Variants in KLHL1 observed in about 807,000 individuals in gnomAD.
The protein encoded by KLHL1 is kelch-like protein 1.
Under a neutral mutation model 77.7 loss-of-function variants are expected in KLHL1, and 47 were observed. The observed-to-expected ratio is 0.60, with a 90% CI of 0.48 to 0.77. KLHL1 has a LOEUF of 0.77. Ranked by LOEUF, KLHL1 falls within the 30% of genes least tolerant of loss-of-function variation. The pLI is 0.00. For missense variants in KLHL1, 925 were observed against 910.8 expected (o/e 1.02, Z -0.20); for synonymous variants, 360 against 325.2 (o/e 1.11, Z -1.15).
At chr13:69,929,504 A>G (rs899720204) in intron 4 of KLHL1, among the ~76,000 whole-genome samples, 17 of 151,920 alleles carry the variant, frequency 1.1e-4, no homozygotes, top group African/African-American at 4.1e-4. Flanking sequence ...TTAATAAGTT[A>G]TCTAGTTTAG....
At chr13:69,947,031 TGTGTGTGTG>T (rs1883552065) in intron 3 of KLHL1, among the ~76,000 whole-genome samples, 6 of 654 alleles carry the variant, frequency 9.2e-3, no homozygotes, top group Admixed American at 0.022. Flanking sequence ...GTGTGTGTTG[TGTGTGTGTG>T]TGTGTGTGTG....
intron 5 of KLHL1, among the ~76,000 whole-genome samples, chr13:69,842,038 C>T (rs922966092): frequency 6.6e-6 from 1 of 151,392 alleles, no homozygotes; most frequent in Admixed American, 6.6e-5. Context: ...AAAAATCAAC[C>T]CAAAATGAAT....
In KLHL1 at chr13:69,955,765, T is replaced by C. The variant is rs955473966; in HGVS notation, c.817+5543A>G. Among the ~76,000 whole-genome samples the C allele has an allele frequency of 2.0e-5, 3 of 149,852 alleles. No individual in the cohort carries two copies. The Admixed American group carries it at 2.0e-4, about 10-fold the overall frequency. ...CCTTTCAAAATGTGAGCATCCATTT[T>C]TGGCTGTGATTGAAATCCTAATGTG... On this transcript the variant is annotated intron_variant, in intron 3 of 10. Transcript: ENST00000377844.
chr13:69,981,614 G>T (rs1409081793), intron 1 of KLHL1, among the ~76,000 whole-genome samples: 1 of 151,940 alleles, frequency 6.6e-6, no homozygotes, highest in Non-Finnish European at 1.5e-5. Context: ...GATTATATTT[G>T]CATTAGAGTT....
intron 1 of KLHL1, among the ~76,000 whole-genome samples, chr13:70,001,897 G>A (rs1885301617): frequency 6.6e-6 from 1 of 151,558 alleles, no homozygotes; most frequent in African/African-American, 2.4e-5. Context: ...CTAATTTACA[G>A]CTAAAGTTAG....
intron 1 of KLHL1, among the ~76,000 whole-genome samples, chr13:70,075,842 C>G (rs1593723776): frequency 6.7e-6 from 1 of 148,900 alleles, no homozygotes; most frequent in South Asian, 2.1e-4. Context: ...CTTTCCTATA[C>G]ACCAGCAGTG....
rs1228650787 is a variant in KLHL1, at chr13:69,894,931, G to A, written c.1015-12436C>T. The A allele has an allele frequency of 1.3e-5, 6 of 448,294 alleles. No homozygotes were observed. In the East Asian group the frequency reaches 3.3e-4, roughly 25 times the overall value. 27.8% of individuals were successfully genotyped at this position (448,294 alleles called of 1,614,324 possible). On this transcript the variant is annotated intron_variant, in intron 4 of 10. Coordinates refer to ENST00000377844, the MANE Select transcript of KLHL1 (RefSeq NM_020866.3). ...GCGGTTGAGCAGAACCAAGCAGCTT[G>A]GTTCCAGCAGATCCTTGTCTACAAA...
At chr13:69,726,910 A>T (rs988285232) in intron 8 of KLHL1, among the ~76,000 whole-genome samples, 5 of 152,114 alleles carry the variant, frequency 3.3e-5, no homozygotes, top group South Asian at 4.1e-4. Flanking sequence ...TGTTTGTGAA[A>T]TTTTTTAAAA....
intron 2 of KLHL1, among the ~76,000 whole-genome samples, chr13:69,966,514 A>G (rs1392743388): frequency 4.6e-5 from 7 of 152,210 alleles, no homozygotes; most frequent in Non-Finnish European, 8.8e-5. Flanking sequence ...TGTTGTCTTT[A>G]GGCCTGCTAA....
At chr13:69,989,760 C>T (rs1010420560) in intron 1 of KLHL1, among the ~76,000 whole-genome samples, 3 of 151,582 alleles carry the variant, frequency 2.0e-5, no homozygotes, top group Non-Finnish European at 2.9e-5. Flanking sequence ...TGACTCTTGG[C>T]GTGGGTGTTG....
chr13:69,769,779 A>G (rs1875475339), intron 7 of KLHL1, among the ~76,000 whole-genome samples: 1 of 152,064 alleles, frequency 6.6e-6, no homozygotes. Context: ...TCTGTCACTC[A>G]GTAAAATTCT....
At chr13:69,842,525 A>G (rs539083770) in intron 5 of KLHL1, among the ~76,000 whole-genome samples, 89 of 151,954 alleles carry the variant, frequency 5.9e-4, no homozygotes, top group African/African-American at 1.3e-3. Context: ...TGACTATTTA[A>G]GAAGACAAAA....
intron 4 of KLHL1, among the ~76,000 whole-genome samples, chr13:69,885,047 TCGC>T (rs1881158091): frequency 7.3e-6 from 1 of 136,582 alleles, no homozygotes; most frequent in Non-Finnish European, 1.5e-5. Context: ...TTCACGCCAT[TCGC>T]CTGCCTCAGC....
At chr13:69,719,287 G>T in intron 9 of KLHL1, 82 bp downstream of exon 9, 2 of 1,205,260 alleles carry the variant, frequency 1.7e-6, no homozygotes, top group African/African-American at 1.5e-5. Context: ...CCTAAATAAT[G>T]CAATTTTTCC....
intron 4 of KLHL1, among the ~76,000 whole-genome samples, chr13:69,891,382 G>T (rs928779236): frequency 1.1e-4 from 16 of 151,804 alleles, no homozygotes; most frequent in African/African-American, 3.9e-4. Flanking sequence ...ATAATTTCTG[G>T]TGACCATCTT....
At chr13:69,961,770 A>C in intron 2 of KLHL1, among the ~76,000 whole-genome samples, 1 of 151,824 alleles carries the variant, frequency 6.6e-6, no homozygotes, top group East Asian at 1.9e-4. Context: ...TCCCCCCTAA[A>C]CTATCGTGAA....
At chr13:70,062,246 T>A in intron 1 of KLHL1, among the ~76,000 whole-genome samples, 1 of 152,192 alleles carries the variant, frequency 6.6e-6, no homozygotes, top group East Asian at 1.9e-4. Context: ...ATGAGAAATT[T>A]TGAGATAAAT....
intron 1 of KLHL1, among the ~76,000 whole-genome samples, chr13:70,060,454 C>A (rs12871523): frequency 0.29 from 44,277 of 151,852 alleles, 7,979 homozygotes; most frequent in South Asian, 0.49. Flanking sequence ...TTTAAAGACA[C>A]ACCTGCCCTC....
intron 4 of KLHL1, among the ~76,000 whole-genome samples, chr13:69,885,549 T>C (rs1881184295): frequency 1.3e-5 from 2 of 152,328 alleles, no homozygotes; most frequent in East Asian, 1.9e-4. Flanking sequence ...TGGAAATTAG[T>C]TGTTTTAACA....
Sources: gnomAD v4.1 joint callset for allele counts (sites outside exome capture counted in the v4.1 genomes callset) on GRCh38, gnomAD v4.1.1 for gene constraint, MANE v1.5 for transcripts, NCBI Gene and HGNC (gene_info 2026-07-23, HGNC 2026-07-21) for gene names.